The following TLN2 variants were observed in gnomAD, a reference collection of about 807,000 sequenced individuals.
TLN2 encodes the protein talin-2.
TLN2 carries 118 observed loss-of-function variants against 294.7 expected under a neutral mutation model. The ratio of observed to expected loss-of-function variants is 0.40; its 90% CI spans 0.34 to 0.47. TLN2 has a LOEUF of 0.47. TLN2 is among the 20% of genes least tolerant of loss of function. The pLI, the probability that TLN2 is intolerant of heterozygous loss-of-function variation, is 0.84. For synonymous variants in TLN2, 1,431 were observed against 1,304.5 expected (o/e 1.10, Z -2.09); for missense variants, 3,083 against 3,282.2 (o/e 0.94, Z 1.48).
intron 2 of TLN2, among the ~76,000 whole-genome samples, chr15:62,609,660 G>A (rs536799776): frequency 2.6e-5 from 4 of 152,222 alleles, no homozygotes; most frequent in South Asian, 2.1e-4. Context: ...TTTTTGCACC[G>A]CATCATGTGG....
At position 62,582,233 on chromosome 15, in the gene TLN2, CA is replaced by C. The variant is rs58598323; in HGVS notation, c.-237-7453del. ...ACACACACACACACACACACACACA[CA>C]CACACACACACACATTCATGCCTGA... On this transcript the variant is annotated intron_variant, in intron 1 of 58. Coordinates refer to ENST00000636159, the MANE Select transcript of TLN2 (RefSeq NM_015059.3). Among the ~76,000 whole-genome samples the C allele has an allele frequency of 2.5e-3, 267 of 108,664 alleles. 10 individuals carry two copies. In the East Asian group the frequency reaches 0.054, roughly 22 times the overall value. 71.3% of individuals were successfully genotyped at this position (108,664 alleles called of 152,430 possible).
At chr15:62,807,521 G>A (rs930658333) in intron 51 of TLN2, among the ~76,000 whole-genome samples, 8 of 152,178 alleles carry the variant, frequency 5.3e-5, no homozygotes, top group Admixed American at 3.3e-4. Context: ...TGGTTGATGC[G>A]TGACAGACGC....
chr15:62,423,712 C>A (rs1404379840), intron 1 of TLN2, among the ~76,000 whole-genome samples: 2 of 152,004 alleles, frequency 1.3e-5, no homozygotes, highest in Admixed American at 1.3e-4. Context: ...TCCCAAGTAG[C>A]TGGGATTACA....
At chr15:62,765,356 G>T (rs962154166) in intron 40 of TLN2, among the ~76,000 whole-genome samples, 18 of 147,624 alleles carry the variant, frequency 1.2e-4, no homozygotes, top group African/African-American at 4.5e-4. Context: ...TTTCAAGTTT[G>T]CATGTTAGTC....
chr15:62,409,033 A>G (rs2033605784), intron 1 of TLN2, among the ~76,000 whole-genome samples: 1 of 151,628 alleles, frequency 6.6e-6, no homozygotes, highest in African/African-American at 2.4e-5. Context: ...GCTGGAATGC[A>G]GTGGTGTGAT....
chr15:62,642,701 G>GTT (rs1355609761), intron 3 of TLN2, among the ~76,000 whole-genome samples: 88 of 140,654 alleles, frequency 6.3e-4, no homozygotes, highest in African/African-American at 1.3e-3. Flanking sequence ...TTTGTTTTCT[G>GTT]TTTTTTTTTT....
intron 45 of TLN2, among the ~76,000 whole-genome samples, chr15:62,785,303 C>G (rs1414172653): frequency 6.6e-6 from 1 of 152,030 alleles, no homozygotes; most frequent in Non-Finnish European, 1.5e-5. Flanking sequence ...TTTGACTAAC[C>G]TATAATTTTG....
rs190216178 is a variant in TLN2, at chr15:62,823,718, T to G, written c.7002+3108T>G. ...CTCTTAAAACTTAAGCATCACTTTT[T>G]GCCTGGGATCTCCCAGACATGCACC... On this transcript the variant is annotated intron_variant, in intron 54 of 58. Coordinates refer to ENST00000636159, the MANE Select transcript of TLN2 (RefSeq NM_015059.3). Among the ~76,000 whole-genome samples, 295 of 152,366 alleles carry G rather than the reference T, an allele frequency of 1.9e-3. 4 individuals carry two copies. The highest frequency in any genetic ancestry group is 6.4e-3 in the African/African-American group (268 of 41,592).
rs1236595046 is a variant in TLN2 at position 62,771,094 on chromosome 15, A to G, written c.5327A>G (p.Gln1776Arg). Residue 1776 changes from glutamine to arginine, a missense_variant, in exon 42 of 59, where the codon CAG (glutamine) becomes CGG (arginine). By Grantham distance (43) the Gln-to-Arg change is conservative. Coordinates refer to ENST00000636159, the MANE Select transcript of TLN2 (RefSeq NM_015059.3). The part of the protein sequence containing the change: ...QTKTLAESAL[Q>R]MLYAAKEGGG... ...AAGACTCTCGCAGAGTCTGCCTTGC[A>G]GATGTTGTATGCAGCCAAAGAAGGT... The G allele has an allele frequency of 6.2e-7, 1 of 1,613,302 alleles. No individual in the cohort carries two copies. The highest frequency in any genetic ancestry group is 8.5e-7 in the Non-Finnish European group (1 of 1,179,536).
intron 30 of TLN2, 58 bp downstream of exon 30, chr15:62,738,391 A>T: frequency 6.4e-7 from 1 of 1,574,534 alleles, no homozygotes; most frequent in Non-Finnish European, 8.6e-7. Context: ...GTTAGGTGTG[A>T]GTGAAGTCTT....
chr15:62,714,639 A>T (rs1182893451), intron 22 of TLN2, among the ~76,000 whole-genome samples: 1 of 152,174 alleles, frequency 6.6e-6, no homozygotes, highest in Non-Finnish European at 1.5e-5. Flanking sequence ...GTTTCTGTAA[A>T]TTCTTTTAAC....
chr15:62,595,248 C>T (rs535477645), intron 2 of TLN2, among the ~76,000 whole-genome samples: 2 of 151,968 alleles, frequency 1.3e-5, no homozygotes, highest in South Asian at 2.1e-4. Flanking sequence ...GGTGAAACCC[C>T]GTCTCTACTG....
intron 1 of TLN2, among the ~76,000 whole-genome samples, chr15:62,507,304 T>TG (rs373711520): frequency 6.6e-6 from 1 of 152,200 alleles, no homozygotes; most frequent in Admixed American, 6.5e-5. Flanking sequence ...TTGGGAAAGG[T>TG]GGGGGTATTC....
At chr15:62,749,819 G>GCCAGGC (rs1359406346) in intron 33 of TLN2, among the ~76,000 whole-genome samples, 1 of 152,178 alleles carries the variant, frequency 6.6e-6, no homozygotes, top group Non-Finnish European at 1.5e-5. Flanking sequence ...GAGACACAGA[G>GCCAGGC]CCAGGCCCTA....
intron 1 of TLN2, among the ~76,000 whole-genome samples, chr15:62,445,949 G>C (rs965674666): frequency 6.6e-6 from 1 of 151,630 alleles, no homozygotes; most frequent in African/African-American, 2.4e-5. Flanking sequence ...TCGCCTACTG[G>C]CCCTTTCTTG....
At chr15:62,556,894 TAAG>T (rs901775147) in intron 1 of TLN2, among the ~76,000 whole-genome samples, 6 of 152,244 alleles carry the variant, frequency 3.9e-5, no homozygotes, top group African/African-American at 1.4e-4. Context: ...AACATTTTGA[TAAG>T]AAAGTATCAA....
chr15:62,497,391 G>A (rs2039064927), intron 1 of TLN2, among the ~76,000 whole-genome samples: 1 of 152,216 alleles, frequency 6.6e-6, no homozygotes, highest in Admixed American at 6.5e-5. Flanking sequence ...GTTAGGCTAA[G>A]TGGATGGACC....
At chr15:62,728,439 C>T (rs1317958160) in intron 28 of TLN2, among the ~76,000 whole-genome samples, 1 of 152,204 alleles carries the variant, frequency 6.6e-6, no homozygotes, top group Non-Finnish European at 1.5e-5. Flanking sequence ...GTTTAGTGAA[C>T]ATAGTAAGCA....
chr15:62,608,710 C>T (rs1043303363), intron 2 of TLN2, among the ~76,000 whole-genome samples: 1 of 151,964 alleles, frequency 6.6e-6, no homozygotes, highest in African/African-American at 2.4e-5. Flanking sequence ...ATTTGCTATG[C>T]TTGTGAAAGA....
Sources: gnomAD v4.1 joint callset for allele counts (sites outside exome capture counted in the v4.1 genomes callset) on GRCh38, gnomAD v4.1.1 for gene constraint, MANE v1.5 for transcripts, NCBI Gene and HGNC (gene_info 2026-07-23, HGNC 2026-07-21) for gene names.